Variants in PRUNE2 observed in about 807,000 individuals in gnomAD.
PRUNE2 encodes the protein prune homolog 2 with BCH domain.
In PRUNE2, 164 loss-of-function variants were observed where a neutral mutation model predicts 252.0. The ratio of observed to expected loss-of-function variants is 0.65; its 90% CI spans 0.57 to 0.74. The LOEUF is 0.74. Ranked by LOEUF, PRUNE2 falls within the 30% of genes least tolerant of loss-of-function variation. The probability of loss-of-function intolerance (pLI) is 0.00; values close to 1 mark genes in which losing one functional copy is unlikely to be tolerated. For synonymous variants in PRUNE2, 1,292 were observed against 1,350.2 expected, an observed-to-expected ratio of 0.96 and a Z score of 0.94; for missense variants, 3,495 against 3,711.0, an observed-to-expected ratio of 0.94 and a Z score of 1.51.
chr9:76,893,040 G>T (rs1007793569), intron 1 of PRUNE2, among the ~76,000 whole-genome samples: 1 of 152,156 alleles, frequency 6.6e-6, no homozygotes, highest in African/African-American at 2.4e-5. Context: ...AAAAGTTCGA[G>T]ACGAGCCTGG....
chr9:76,614,737 A>G (rs560585871), intron 18 of PRUNE2, 137 bp from the exon 19 acceptor site: 15 of 674,904 alleles, frequency 2.2e-5, no homozygotes, highest in East Asian at 1.4e-4. Context: ...GTTTCTTATA[A>G]TAGAAAAATC....
chr9:76,862,519 C>T (rs2060609406), intron 1 of PRUNE2: 1 of 152,148 alleles, frequency 6.6e-6, no homozygotes, highest in African/African-American at 2.4e-5. Context: ...TAAGAAACAA[C>T]TGAGCCTTAG....
At chr9:76,774,137 T>TA (rs1414196490) in intron 6 of PRUNE2, among the ~76,000 whole-genome samples, 2 of 152,128 alleles carry the variant, frequency 1.3e-5, no homozygotes, top group African/African-American at 4.8e-5. Context: ...TTTTTAATTT[T>TA]AAAAAAATAT....
rs369655221 is a variant in PRUNE2 at position 76,710,057 on chromosome 9, C to T, written c.2217G>A (p.Pro739=). The part of the protein sequence containing the change: ...DIQDKNEESL[P]FQNLPMEKSP... ...ACTTCTCCATGGGCAGGTTCTGGAACGGCAAGCTTTCCTCATTTTTGTCTT... is the reference window on the plus strand; with the variant it reads ...ACTTCTCCATGGGCAGGTTCTGGAATGGCAAGCTTTCCTCATTTTTGTCTT... The change falls in exon 8 of 19, where the codon CCG becomes CCA. Residue 739 remains proline (P), a synonymous_variant. Transcript: ENST00000376718. The T allele has an allele frequency of 1.1e-4, 185 of 1,613,746 alleles. No individual in the cohort carries two copies. The highest frequency in any genetic ancestry group is 5.5e-5 in the Non-Finnish European group (65 of 1,179,838).
At chr9:76,791,035 C>T (rs1248028398) in intron 6 of PRUNE2, among the ~76,000 whole-genome samples, 1 of 152,146 alleles carries the variant, frequency 6.6e-6, no homozygotes, top group African/African-American at 2.4e-5. Context: ...TAGTCAAACT[C>T]GTAACAGCAG....
intron 6 of PRUNE2, among the ~76,000 whole-genome samples, chr9:76,815,130 T>C (rs753570697): frequency 6.6e-6 from 1 of 152,190 alleles, no homozygotes; most frequent in South Asian, 2.1e-4. Flanking sequence ...CTATGTTTCA[T>C]ATACCCCCGC....
intron 6 of PRUNE2, among the ~76,000 whole-genome samples, chr9:76,818,252 T>C (rs906716044): frequency 6.6e-5 from 10 of 152,186 alleles, no homozygotes; most frequent in Non-Finnish European, 1.2e-4. Context: ...GAAATCATAT[T>C]GTGTGCATAA....
At chr9:76,719,266 G>A (rs1448486981) in intron 6 of PRUNE2, among the ~76,000 whole-genome samples, 1 of 151,774 alleles carries the variant, frequency 6.6e-6, no homozygotes, top group Admixed American at 6.6e-5. Context: ...AAGGTTTAAT[G>A]TCCTCAAGAA....
chr9:76,654,588 ATTAAT>A (rs1305035572), intron 10 of PRUNE2, among the ~76,000 whole-genome samples: 3 of 152,228 alleles, frequency 2.0e-5, no homozygotes, highest in Non-Finnish European at 4.4e-5. Flanking sequence ...TTTAATTTTA[ATTAAT>A]TTAAATAGCC....
intron 6 of PRUNE2, among the ~76,000 whole-genome samples, chr9:76,748,436 T>C (rs1036818880): frequency 1.3e-5 from 2 of 152,142 alleles, no homozygotes; most frequent in African/African-American, 4.8e-5. Flanking sequence ...CACCAAATTC[T>C]GAACGGGACA....
At chr9:76,892,519 G>A (rs1469257647) in intron 1 of PRUNE2, among the ~76,000 whole-genome samples, 2 of 152,154 alleles carry the variant, frequency 1.3e-5, no homozygotes, top group African/African-American at 2.4e-5. Flanking sequence ...GCAAAAAGGA[G>A]GGACAATGAA....
intron 13 of PRUNE2, 104 bp from the exon 14 acceptor site, chr9:76,637,653 G>T: frequency 9.9e-7 from 1 of 1,006,218 alleles, no homozygotes; most frequent in East Asian, 2.5e-5. Context: ...AAGAATGATT[G>T]TGCATATTAC....
At chr9:76,692,824 G>GT (rs1248093273) in intron 9 of PRUNE2, 1 of 152,176 alleles carries the variant, frequency 6.6e-6, no homozygotes, top group Non-Finnish European at 1.5e-5. Context: ...TTTAAAAATG[G>GT]TAAGATAGCC....
intron 1 of PRUNE2, among the ~76,000 whole-genome samples, chr9:76,898,168 G>A (rs1221529948): frequency 6.6e-6 from 1 of 152,228 alleles, no homozygotes; most frequent in Non-Finnish European, 1.5e-5. Context: ...CGGCTGTACT[G>A]CCTTTAGGGG....
intron 15 of PRUNE2, among the ~76,000 whole-genome samples, chr9:76,630,341 T>C: frequency 6.6e-6 from 1 of 152,002 alleles, no homozygotes; most frequent in East Asian, 1.9e-4. Flanking sequence ...AATAATTGGA[T>C]TTGAATTACA....
At chr9:76,813,111 T>A (rs1316276040) in intron 6 of PRUNE2, among the ~76,000 whole-genome samples, 1 of 152,190 alleles carries the variant, frequency 6.6e-6, no homozygotes, top group East Asian at 1.9e-4. Context: ...TTTGATGATG[T>A]CTTGTTGGTA....
intron 6 of PRUNE2, among the ~76,000 whole-genome samples, chr9:76,768,564 G>GATATAT (rs1186985207): frequency 1.3e-4 from 17 of 128,406 alleles, no homozygotes; most frequent in Non-Finnish European, 2.6e-4. Context: ...TCTTTGGGTT[G>GATATAT]ATATATATAT....
intron 6 of PRUNE2, among the ~76,000 whole-genome samples, chr9:76,754,213 T>C (rs2050897286): frequency 6.6e-6 from 1 of 152,160 alleles, no homozygotes; most frequent in African/African-American, 2.4e-5. Context: ...AGAGAAAAGC[T>C]AGTTTTAAGG....
chr9:76,686,937 C>T (rs928171658), intron 9 of PRUNE2, among the ~76,000 whole-genome samples: 1 of 152,156 alleles, frequency 6.6e-6, no homozygotes, highest in Admixed American at 6.5e-5. Flanking sequence ...GATGGGGTCT[C>T]ACTGTGTTGC....
Sources: gnomAD v4.1 joint callset for allele counts (sites outside exome capture counted in the v4.1 genomes callset) on GRCh38, gnomAD v4.1.1 for gene constraint, MANE v1.5 for transcripts, NCBI Gene and HGNC (gene_info 2026-07-23, HGNC 2026-07-21) for gene names.